The following EYA2 variants were observed in gnomAD, a reference collection of about 807,000 sequenced individuals.
The protein encoded by EYA2 is EYA transcriptional coactivator and phosphatase 2, also known as protein phosphatase EYA2.
Under a neutral mutation model 69.2 loss-of-function variants are expected in EYA2, and 31 were observed. That is an observed-to-expected ratio of 0.45 (90% CI 0.34 to 0.60). EYA2 has a LOEUF of 0.60. EYA2 is among the 20% of genes least tolerant of loss of function. The pLI, the probability that EYA2 is intolerant of heterozygous loss-of-function variation, is 0.02. For synonymous variants in EYA2, 257 were observed against 279.4 expected (o/e 0.92, Z 0.80); for missense variants, 622 against 701.2 (o/e 0.89, Z 1.28).
chr20:47,062,193 C>T (rs1048703500), intron 5 of EYA2, among the ~76,000 whole-genome samples: 1 of 152,232 alleles, frequency 6.6e-6, no homozygotes. Context: ...CGGACCACCA[C>T]CCCAGGAGCA....
chr20:47,026,129 CAG>C (rs2146388705), intron 5 of EYA2, among the ~76,000 whole-genome samples: 1 of 152,302 alleles, frequency 6.6e-6, no homozygotes, highest in East Asian at 1.9e-4. Flanking sequence ...CAAATGGTCT[CAG>C]AGAGAGACCC....
chr20:46,987,050 A>G (rs1400991479), intron 1 of EYA2, among the ~76,000 whole-genome samples: 1 of 152,230 alleles, frequency 6.6e-6, no homozygotes, highest in Non-Finnish European at 1.5e-5. Context: ...GCATACAAAG[A>G]TGGGTAAAAC....
intron 14 of EYA2, among the ~76,000 whole-genome samples, chr20:47,181,557 G>A (rs1348201810): frequency 6.6e-6 from 1 of 152,058 alleles, no homozygotes; most frequent in East Asian, 1.9e-4. Context: ...CACTCAATCT[G>A]GAATGCAGTG....
At chr20:46,946,514 C>A (rs1978466744) in intron 1 of EYA2, among the ~76,000 whole-genome samples, 1 of 152,120 alleles carries the variant, frequency 6.6e-6, no homozygotes, top group Non-Finnish European at 1.5e-5. Flanking sequence ...GACCCTGGGT[C>A]CACCCTAAGC....
At chr20:47,016,877 T>C (rs538266263) in intron 5 of EYA2, among the ~76,000 whole-genome samples, 1 of 152,190 alleles carries the variant, frequency 6.6e-6, no homozygotes, top group African/African-American at 2.4e-5. Flanking sequence ...CCTTGAGGGA[T>C]ATGGGAAGGA....
chr20:47,142,054 A>G (rs1164304319), intron 9 of EYA2, among the ~76,000 whole-genome samples: 3 of 152,198 alleles, frequency 2.0e-5, no homozygotes, highest in Non-Finnish European at 1.5e-5. Flanking sequence ...CAGGGAGGGT[A>G]TGTGTCAGCG....
chr20:47,132,632 C>T (rs2033369721), intron 9 of EYA2, among the ~76,000 whole-genome samples: 1 of 152,178 alleles, frequency 6.6e-6, no homozygotes, highest in African/African-American at 2.4e-5. Context: ...CTGGGTCCTG[C>T]CAACTCCATG....
intron 5 of EYA2, among the ~76,000 whole-genome samples, chr20:47,057,003 A>G (rs2030645495): frequency 6.7e-6 from 1 of 148,656 alleles, no homozygotes; most frequent in Admixed American, 6.8e-5. Flanking sequence ...CTAAGATCAC[A>G]CGTCTACACT....
intron 9 of EYA2, among the ~76,000 whole-genome samples, chr20:47,125,374 A>G (rs1050228725): frequency 6.6e-6 from 1 of 152,108 alleles, no homozygotes; most frequent in East Asian, 1.9e-4. Flanking sequence ...TTGTTAGTAC[A>G]GATAGACCCA....
chr20:47,155,958 C>T, intron 10 of EYA2, among the ~76,000 whole-genome samples: 1 of 149,746 alleles, frequency 6.7e-6, no homozygotes, highest in African/African-American at 2.4e-5. Flanking sequence ...GGGCAGGTCA[C>T]TTGAGGTCAG....
chr20:47,113,015 G>A (rs2032792296), intron 9 of EYA2, among the ~76,000 whole-genome samples: 1 of 151,692 alleles, frequency 6.6e-6, no homozygotes, highest in South Asian at 2.1e-4. Context: ...GGGATTATAA[G>A]CATGCACCAC....
chr20:47,067,836 C>T lies in EYA2; in HGVS notation c.416-4349C>T, dbSNP rs545435743. On this transcript the variant is annotated intron_variant, in intron 5 of 15. Coordinates refer to ENST00000327619, the MANE Select transcript of EYA2 (RefSeq NM_005244.5). ...TGCTGTAACAAATTCTTTTGGTTTT[C>T]CTTCATTCGAGGATGTCTTAGTTTT... 3.3e-4 allele frequency among the ~76,000 whole-genome samples: 50 copies of T among 152,164 alleles called. No individual in the cohort carries two copies. In the East Asian group the frequency reaches 9.1e-3, roughly 28 times the overall value.
intron 2 of EYA2, among the ~76,000 whole-genome samples, chr20:46,997,123 A>G (rs1301076125): frequency 6.6e-6 from 1 of 152,182 alleles, no homozygotes; most frequent in Non-Finnish European, 1.5e-5. Flanking sequence ...AAAGCCTTAA[A>G]GGTGAGAAGG....
intron 1 of EYA2, among the ~76,000 whole-genome samples, chr20:46,927,214 C>T (rs1411159044): frequency 6.6e-6 from 1 of 152,208 alleles, no homozygotes; most frequent in African/African-American, 2.4e-5. Context: ...CATTGGAAAT[C>T]ACAGATGCCC....
chr20:47,149,007 T>C (rs6018303), intron 10 of EYA2, among the ~76,000 whole-genome samples: 13 of 151,736 alleles, frequency 8.6e-5, no homozygotes, highest in East Asian at 3.9e-4. Flanking sequence ...GAAGAAGAGA[T>C]TGGGGAGGCC....
intron 9 of EYA2, among the ~76,000 whole-genome samples, chr20:47,101,000 A>C (rs1202856961): frequency 6.6e-6 from 1 of 152,356 alleles, no homozygotes; most frequent in Admixed American, 6.5e-5. Flanking sequence ...CCATGTCTGC[A>C]TTCCAGCCAG....
chr20:47,043,628 A>G (rs2029892728), intron 5 of EYA2, among the ~76,000 whole-genome samples: 1 of 152,210 alleles, frequency 6.6e-6, no homozygotes, highest in Admixed American at 6.5e-5. Context: ...CAAGTTTCTT[A>G]ACCTCTCTGT....
At chr20:47,115,483 T>G (rs1266469582) in intron 9 of EYA2, among the ~76,000 whole-genome samples, 5 of 152,178 alleles carry the variant, frequency 3.3e-5, no homozygotes, top group African/African-American at 9.7e-5. Flanking sequence ...AGTTACTTCC[T>G]CGAGGGTCCC....
chr20:47,107,249 G>A (rs933418495), intron 9 of EYA2, among the ~76,000 whole-genome samples: 3 of 152,104 alleles, frequency 2.0e-5, no homozygotes, highest in South Asian at 2.1e-4. Flanking sequence ...AAGTGGCCAG[G>A]CACAGTGACA....
Sources: gnomAD v4.1 joint callset for allele counts (sites outside exome capture counted in the v4.1 genomes callset) on GRCh38, gnomAD v4.1.1 for gene constraint, MANE v1.5 for transcripts, NCBI Gene and HGNC (gene_info 2026-07-23, HGNC 2026-07-21) for gene names.